The following RELN variants were observed in gnomAD, a reference collection of about 807,000 sequenced individuals.
RELN encodes the protein reelin.
Under a neutral mutation model 427.6 loss-of-function variants are expected in RELN, and 108 were observed. The observed-to-expected ratio is 0.25, with a 90% confidence interval of 0.22 to 0.30. The LOEUF (loss-of-function observed/expected upper bound fraction) is 0.30, where lower values mean the gene tolerates loss of function less well. Among genes scored for constraint, RELN ranks in the 10% least tolerant of loss-of-function variants. The probability of loss-of-function intolerance (pLI) is 1.00; values close to 1 mark genes in which losing one functional copy is unlikely to be tolerated. For synonymous variants in RELN, 1,524 were observed against 1,513.4 expected (o/e 1.01, Z -0.16); for missense variants, 3,715 against 4,302.8 (o/e 0.86, Z 3.82).
At position 103,635,420 on chromosome 7, in the gene RELN, C is replaced by T. The variant is rs772717691; in HGVS notation, c.2465+5G>A. On this transcript the variant is annotated splice_donor_5th_base_variant and intron_variant, in intron 19 of 64. Transcript: ENST00000428762. ...AACCATTTTTCCAAATGCTTTCCAA[C>T]ATACCTGGGCTCATGATAGCTGAGA... The T allele has an allele frequency of 2.5e-6, 4 of 1,613,758 alleles. No homozygotes were observed. Among genetic ancestry groups the T allele is most frequent in the Non-Finnish European group, 3.4e-6 (4 of 1,179,806 alleles).
At chr7:103,630,257 T>TGAA in intron 19 of RELN, 81 bp from the exon 20 acceptor site, 1 of 944,004 alleles carries the variant, frequency 1.1e-6, no homozygotes, top group Non-Finnish European at 1.7e-6. Flanking sequence ...AGATTTCCCC[T>TGAA]GAAGTATAGT....
intron 8 of RELN, among the ~76,000 whole-genome samples, chr7:103,701,723 C>G (rs1368191096): frequency 6.6e-6 from 1 of 152,026 alleles, no homozygotes. Flanking sequence ...ACTACAATTT[C>G]AAAGCTCTCA....
rs74969476 is a variant in RELN at position 103,891,953 on chromosome 7, G to A, written c.337+25122C>T. Among the ~76,000 whole-genome samples the A allele has an allele frequency of 3.9e-3, 601 of 152,206 alleles. 23 individuals carry two copies. The East Asian group carries it at 0.072, about 18-fold the overall frequency. The stretch of plus-strand genomic sequence containing the variant: ...ATGAACAAAAGGAAGGAAGAACATC[G>A]TATGTAGGGTAAGAGGAAGAATGTG... On this transcript the variant is annotated intron_variant, in intron 2 of 64. Transcript: ENST00000428762.
chr7:103,699,334 T>C (rs766092320), intron 9 of RELN, among the ~76,000 whole-genome samples: 1 of 152,174 alleles, frequency 6.6e-6, no homozygotes, highest in Non-Finnish European at 1.5e-5. Flanking sequence ...GGGTAATCAA[T>C]TCTCTTTTCT....
At position 103,816,963 on chromosome 7, in the gene RELN, T is replaced by C. The variant is rs182441080; in HGVS notation, c.473+16574A>G. 1.1e-4 allele frequency among the ~76,000 whole-genome samples: 16 copies of C among 152,256 alleles called. No individual in the cohort carries two copies. The East Asian group carries it at 3.1e-3, about 29-fold the overall frequency. On this transcript the variant is annotated intron_variant, in intron 3 of 64. Coordinates refer to ENST00000428762, the MANE Select transcript of RELN (RefSeq NM_005045.4). ...ACCTCCCAGGTTCAAGCGATTCTCCTGCCCCAGCCTCCCAAGTAGCTGGGA... is the reference window on the plus strand; with the variant it reads ...ACCTCCCAGGTTCAAGCGATTCTCCCGCCCCAGCCTCCCAAGTAGCTGGGA...
chr7:103,894,508 C>T (rs1296250604), intron 2 of RELN, among the ~76,000 whole-genome samples: 2 of 152,042 alleles, frequency 1.3e-5, no homozygotes, highest in African/African-American at 4.8e-5. Flanking sequence ...CTATTTTTTA[C>T]TAAAACTGTT....
intron 24 of RELN, 111 bp from the exon 25 acceptor site, chr7:103,596,772 G>A (rs1244813283): frequency 2.4e-5 from 22 of 921,006 alleles, no homozygotes; most frequent in East Asian, 5.0e-5. Flanking sequence ...AAATGGTCTC[G>A]TCCCCATTTA....
intron 50 of RELN, among the ~76,000 whole-genome samples, chr7:103,512,422 T>G (rs977901371): frequency 6.6e-6 from 1 of 152,218 alleles, no homozygotes; most frequent in Non-Finnish European, 1.5e-5. Flanking sequence ...GTATGGATAT[T>G]CAAGTATTCT....
intron 2 of RELN, among the ~76,000 whole-genome samples, chr7:103,859,010 C>T (rs1045397614): frequency 6.6e-6 from 1 of 152,166 alleles, no homozygotes; most frequent in African/African-American, 2.4e-5. Flanking sequence ...ATTTTCAGCT[C>T]TTCATGACTG....
At chr7:103,807,639 G>C (rs941272418) in intron 3 of RELN, among the ~76,000 whole-genome samples, 3 of 151,982 alleles carry the variant, frequency 2.0e-5, no homozygotes, top group Admixed American at 2.0e-4. Flanking sequence ...GCAGTCCCCA[G>C]TGTCTATTGC....
At chr7:103,665,337 GGTGTGT>G (rs565319459) in intron 11 of RELN, among the ~76,000 whole-genome samples, 7 of 146,520 alleles carry the variant, frequency 4.8e-5, no homozygotes, top group Non-Finnish European at 7.6e-5. Context: ...TCATACATAT[GGTGTGT>G]GTGTGTGTGT....
intron 4 of RELN, among the ~76,000 whole-genome samples, chr7:103,759,186 C>T (rs572186290): frequency 3.9e-5 from 6 of 152,012 alleles, no homozygotes; most frequent in Non-Finnish European, 4.4e-5. Flanking sequence ...TCACCATAAG[C>T]TAGCAAAAGA....
chr7:103,849,293 C>T (rs1793757785), intron 2 of RELN, among the ~76,000 whole-genome samples: 1 of 141,190 alleles, frequency 7.1e-6, no homozygotes, highest in Admixed American at 7.2e-5. Context: ...ATCACCAGGT[C>T]TTTCTTATTA....
intron 2 of RELN, among the ~76,000 whole-genome samples, chr7:103,867,714 C>T (rs1325290976): frequency 6.6e-6 from 1 of 151,906 alleles, no homozygotes; most frequent in African/African-American, 2.4e-5. Flanking sequence ...CTGTGCCATC[C>T]TGAAATTTAA....
At chr7:103,940,202 C>G (rs1223507369) in intron 1 of RELN, among the ~76,000 whole-genome samples, 1 of 152,136 alleles carries the variant, frequency 6.6e-6, no homozygotes, top group Non-Finnish European at 1.5e-5. Context: ...CAAAAGCGCT[C>G]CAAGACCAAG....
intron 2 of RELN, among the ~76,000 whole-genome samples, chr7:103,868,451 C>G (rs1175554765): frequency 6.6e-6 from 1 of 152,066 alleles, no homozygotes; most frequent in South Asian, 2.1e-4. Context: ...AGAAACTCCA[C>G]ATGAAATTGT....
chr7:103,986,930 CTGTGTGTGTGTGTGTGTG>C (rs68023932), intron 1 of RELN, among the ~76,000 whole-genome samples: 40 of 149,050 alleles, frequency 2.7e-4, no homozygotes, highest in African/African-American at 6.4e-4. Context: ...CTAACAGAAG[CTGTGTGTGTGTGTGTGTG>C]TGTGTGTGTG....
intron 2 of RELN, among the ~76,000 whole-genome samples, chr7:103,876,929 A>G (rs1794493601): frequency 6.6e-6 from 1 of 152,112 alleles, no homozygotes; most frequent in Non-Finnish European, 1.5e-5. Context: ...TATGCTGCTA[A>G]GCCCTATGGA....
At chr7:103,683,409 G>T (rs1435844756) in intron 10 of RELN, among the ~76,000 whole-genome samples, 1 of 152,152 alleles carries the variant, frequency 6.6e-6, no homozygotes, top group Admixed American at 6.5e-5. Flanking sequence ...TAAATTTATT[G>T]TGTATGCCTA....
Sources: gnomAD v4.1 joint callset for allele counts (sites outside exome capture counted in the v4.1 genomes callset) on GRCh38, gnomAD v4.1.1 for gene constraint, MANE v1.5 for transcripts, NCBI Gene and HGNC (gene_info 2026-07-23, HGNC 2026-07-21) for gene names.